The following DOCK8 variants were observed in gnomAD, a reference collection of about 807,000 sequenced individuals.
DOCK8 encodes the protein dedicator of cytokinesis protein 8.
DOCK8 carries 141 observed loss-of-function variants against 245.6 expected under a neutral mutation model. The ratio of observed to expected loss-of-function variants is 0.57; its 90% confidence interval spans 0.50 to 0.66. The LOEUF is 0.66. Ranked by LOEUF, DOCK8 falls within the 30% of genes least tolerant of loss-of-function variation. DOCK8 has a pLI of 0.00. For missense variants in DOCK8, 2,965 were observed against 2,603.4 expected (o/e 1.14, Z -3.02); for synonymous variants, 1,168 against 970.2 (o/e 1.20, Z -3.79).
Position 382,646 on chromosome 9 carries a change from C to T in DOCK8, c.2739C>T (p.Ser913=), listed in dbSNP as rs116523732. Residue 913 remains serine, a synonymous_variant, in exon 22 of 48, where the codon TCC becomes TCT. Transcript: ENST00000432829. Reference sequence around the variant, plus strand: ...ACCCAGACCTCGCGGGGACACACTCCGCAGCAGACGAGGAAGTGAAGAACA... The same window carrying T: ...ACCCAGACCTCGCGGGGACACACTCTGCAGCAGACGAGGAAGTGAAGAACA... ...SSNPDLAGTH[S]AADEEVKNIM... is the part of the protein sequence containing the mutation. 3,246 of 1,614,142 alleles carry T rather than the reference C, an allele frequency of 2.0e-3. 60 individuals carry two copies. The African/African-American group carries it at 0.037, about 18-fold the overall frequency.
chr9:451,581 C>T (rs2057440229), intron 45 of DOCK8, among the ~76,000 whole-genome samples: 1 of 152,034 alleles, frequency 6.6e-6, no homozygotes, highest in Non-Finnish European at 1.5e-5. Flanking sequence ...AGAGATCATG[C>T]CACTGCTCTC....
At chr9:391,189 C>A (rs755405429) in intron 24 of DOCK8, among the ~76,000 whole-genome samples, 1 of 152,214 alleles carries the variant, frequency 6.6e-6, no homozygotes, top group Non-Finnish European at 1.5e-5. Context: ...AGTTTCTATT[C>A]TTCTCTGTAG....
intron 26 of DOCK8, 35 bp downstream of exon 26, chr9:399,294 C>T (rs933699814): frequency 2.3e-6 from 3 of 1,307,766 alleles, no homozygotes; most frequent in Non-Finnish European, 3.1e-6. Flanking sequence ...CCCGAGCGAG[C>T]CACTTGGTTC....
At chr9:218,522 G>C (rs1364747892) in intron 1 of DOCK8, among the ~76,000 whole-genome samples, 3 of 152,122 alleles carry the variant, frequency 2.0e-5, no homozygotes, top group Non-Finnish European at 4.4e-5. Flanking sequence ...TTTGCGTTTG[G>C]GATTTCAGGT....
At chr9:417,773 TTAGAA>T (rs1338246675) in intron 29 of DOCK8, among the ~76,000 whole-genome samples, 18 of 152,228 alleles carry the variant, frequency 1.2e-4, no homozygotes, top group African/African-American at 4.1e-4. Flanking sequence ...ATGCCAATTA[TTAGAA>T]TAGAGAATGA....
intron 12 of DOCK8, among the ~76,000 whole-genome samples, chr9:337,000 G>C (rs1397527057): frequency 1.3e-5 from 2 of 152,226 alleles, no homozygotes; most frequent in Non-Finnish European, 2.9e-5. Context: ...TCCTGAGGTG[G>C]AGCACGGTGA....
At chr9:353,741 T>G (rs2052289470) in intron 14 of DOCK8, among the ~76,000 whole-genome samples, 1 of 152,186 alleles carries the variant, frequency 6.6e-6, no homozygotes, top group South Asian at 2.1e-4. Context: ...GAAACTTAAC[T>G]TTTAGGTCTT....
chr9:339,763 C>T (rs1175571242), intron 13 of DOCK8, among the ~76,000 whole-genome samples: 1 of 152,224 alleles, frequency 6.6e-6, no homozygotes, highest in Non-Finnish European at 1.5e-5. Context: ...ATCCACCTGC[C>T]TCGGCCTCCC....
chr9:341,333 A>G (rs1412632119), intron 14 of DOCK8, among the ~76,000 whole-genome samples: 1 of 152,234 alleles, frequency 6.6e-6, no homozygotes. Context: ...GTCTGGAAGG[A>G]GTGCTTGTCA....
chr9:361,437 G>C lies in DOCK8; in HGVS notation c.1680-6581G>C, dbSNP rs80323045. ...CCTGGTAAGAAGATCATCTTAATTA[G>C]TATCATACTTTGCAGCTTTCAAGCA... On this transcript the variant is annotated intron_variant, in intron 14 of 47. Coordinates refer to ENST00000432829, the MANE Select transcript of DOCK8 (RefSeq NM_203447.4). Among the ~76,000 whole-genome samples, 903 of 152,254 alleles carry C rather than the reference G, an allele frequency of 5.9e-3. 6 individuals are homozygous for C. Among genetic ancestry groups the C allele is most frequent in the African/African-American group, 0.021 (864 of 41,538 alleles).
At chr9:216,949 C>T (rs1380588838) in intron 1 of DOCK8, among the ~76,000 whole-genome samples, 1 of 152,148 alleles carries the variant, frequency 6.6e-6, no homozygotes, top group African/African-American at 2.4e-5. Context: ...CACTGTGCAA[C>T]ATTGGACATG....
At chr9:457,211 C>T (rs538999327) in intron 46 of DOCK8, among the ~76,000 whole-genome samples, 29 of 152,030 alleles carry the variant, frequency 1.9e-4, no homozygotes, top group African/African-American at 6.5e-4. Flanking sequence ...GTATATGTGG[C>T]GTTGGGGTTG....
intron 10 of DOCK8, among the ~76,000 whole-genome samples, chr9:333,403 C>T (rs751352544): frequency 2.4e-4 from 37 of 152,262 alleles, no homozygotes; most frequent in Middle Eastern, 3.4e-3. Flanking sequence ...AGATTGAGAC[C>T]ATCCTGGCCA....
At chr9:386,211 C>G (rs540408248) in intron 22 of DOCK8, 120 bp from the exon 23 acceptor site, 30 of 815,786 alleles carry the variant, frequency 3.7e-5, no homozygotes, top group Admixed American at 3.1e-4. Context: ...AATTGTTTTA[C>G]CTTTGTAACC....
rs2131548668 is a variant in DOCK8, at chr9:406,915, CT to C, written c.3391-13del. The C allele has an allele frequency of 6.2e-7, 1 of 1,614,008 alleles. No individual in the cohort carries two copies. The highest frequency in any genetic ancestry group is 1.3e-5 in the African/African-American group (1 of 74,998). Reference sequence around the variant, plus strand: ...GTTCTTGTGGCTCATAAAATGGCTCCTTACGTTTCTGTAGAACTCAAGCTCC... The same window carrying C: ...GTTCTTGTGGCTCATAAAATGGCTCCTACGTTTCTGTAGAACTCAAGCTCC... On this transcript the variant is annotated splice_polypyrimidine_tract_variant and intron_variant, in intron 27 of 47. Transcript: ENST00000432829.
intron 46 of DOCK8, among the ~76,000 whole-genome samples, chr9:461,021 G>A (rs2057786241): frequency 6.6e-6 from 1 of 152,192 alleles, no homozygotes; most frequent in Non-Finnish European, 1.5e-5. Flanking sequence ...TGATTTGTAA[G>A]TTCCCTTGGG....
chr9:225,050 C>A (rs180950523), intron 1 of DOCK8, among the ~76,000 whole-genome samples: 19 of 152,330 alleles, frequency 1.2e-4, no homozygotes, highest in Admixed American at 7.2e-4. Context: ...GTACCTTATT[C>A]TCTGTCCAAT....
rs762440266 is a variant in DOCK8, at chr9:403,127, G to A, written c.3235-1791G>A. The stretch of plus-strand genomic sequence containing the variant: ...CTGGTCTTGAACTCTGGCCTCAAGT[G>A]ATCTGCCTGCCTCTGCCTCCCGAAG... On this transcript the variant is annotated intron_variant, in intron 26 of 47. Transcript: ENST00000432829. Among the ~76,000 whole-genome samples, 5 of 152,276 alleles carry A rather than the reference G, an allele frequency of 3.3e-5. No homozygotes were observed. The Middle Eastern group carries it at 0.01, about 311-fold the overall frequency.
chr9:363,166 A>G (rs943627), intron 14 of DOCK8, among the ~76,000 whole-genome samples: 89,958 of 152,062 alleles, frequency 0.59, 27,284 homozygotes, highest in East Asian at 0.82. Flanking sequence ...CCAGTTCTCA[A>G]TGCGGTGGTA....
Sources: gnomAD v4.1 joint callset for allele counts (sites outside exome capture counted in the v4.1 genomes callset) on GRCh38, gnomAD v4.1.1 for gene constraint, MANE v1.5 for transcripts, NCBI Gene and HGNC (gene_info 2026-07-23, HGNC 2026-07-21) for gene names.